Variants in GUCY2C observed in about 807,000 individuals in gnomAD.
GUCY2C encodes guanylyl cyclase C.
A neutral mutation model predicts 131.1 loss-of-function variants in GUCY2C; 118 were observed. That is an observed-to-expected ratio of 0.90 (90% CI 0.78 to 1.05). GUCY2C has a LOEUF of 1.05. Ranked by LOEUF, GUCY2C falls within the 50% of genes least tolerant of loss-of-function variation. The probability of loss-of-function intolerance (pLI) is 0.00; values close to 1 mark genes in which losing one functional copy is unlikely to be tolerated. For synonymous variants in GUCY2C, 452 were observed against 457.8 expected (o/e 0.99, Z 0.16); for missense variants, 1,161 against 1,304.4 (o/e 0.89, Z 1.69).
intron 19 of GUCY2C, among the ~76,000 whole-genome samples, chr12:14,629,727 T>C (rs1947101740): frequency 1.3e-5 from 2 of 152,198 alleles, no homozygotes; most frequent in African/African-American, 2.4e-5. Context: ...GTACTGTCCA[T>C]GGTTCTAACT....
At position 14,614,908 on chromosome 12, in the gene GUCY2C, C is replaced by G. The variant is rs1263620502; in HGVS notation, c.3006G>C (p.Gly1002=). The G allele has an allele frequency of 6.3e-7, 1 of 1,584,062 alleles. No individual in the cohort carries two copies. Among genetic ancestry groups the G allele is most frequent in the Non-Finnish European group, 8.6e-7 (1 of 1,168,358 alleles). The change falls in exon 26 of 27, where the codon GGG becomes GGC. Residue 1002 remains glycine, a synonymous_variant. Coordinates refer to ENST00000261170, the MANE Select transcript of GUCY2C (RefSeq NM_004963.4). ...GCAGGTTGAATTTCTGGTCCTTCAT[C>G]CCAGTCAGCCAGTAGGTAGTCTCAT... ...RGNETTYWLT[G]MKDQKFNLPT... is the part of the protein sequence containing the mutation.
intron 1 of GUCY2C, among the ~76,000 whole-genome samples, chr12:14,692,849 C>T (rs568764958): frequency 5.9e-5 from 9 of 151,912 alleles, no homozygotes; most frequent in South Asian, 2.1e-4. Context: ...TACTCTGTCC[C>T]GAATAAATAA....
rs1565615697 is a variant in GUCY2C at position 14,643,627 on chromosome 12, A to C, written c.1877T>G (p.Met626Arg). ...GCCAAAATCAGTGATCTTCACCACCATTCTACTGTCCACTACGCAGTTGGT... is the reference window on the plus strand; with the variant it reads ...GCCAAAATCAGTGATCTTCACCACCCTTCTACTGTCCACTACGCAGTTGGT... ...KSTNCVVDSR[M>R]VVKITDFGCN... The change falls in exon 17 of 27, where the codon ATG (methionine) becomes AGG (arginine). Residue 626 changes from methionine (M) to arginine (R), a missense_variant. Transcript: ENST00000261170. 1 of 1,613,686 alleles carries C rather than the reference A, an allele frequency of 6.2e-7. No individual in the cohort carries two copies. Among genetic ancestry groups the C allele is most frequent in the Admixed American group, 1.7e-5 (1 of 60,026 alleles).
Position 14,625,770 on chromosome 12 carries a change from T to C in GUCY2C, c.2395A>G (p.Met799Val), listed in dbSNP as rs76686493. The C allele has an allele frequency of 6.2e-7, 1 of 1,613,884 alleles. No individual in the cohort carries two copies. The highest frequency in any genetic ancestry group is 8.5e-7 in the Non-Finnish European group (1 of 1,179,888). The change falls in exon 21 of 27, where the codon ATG (methionine) becomes GTG (valine). Residue 799 changes from methionine (M) to valine (V), a missense_variant. By Grantham distance (21) the Met-to-Val change is conservative. Transcript: ENST00000261170. ...ERDRADRLNF[M>V]LLPRLVVKSL... ...GGCTTGCCTTACCTTGGAAGCAACA[T>C]AAAGTTAAGTCTGTCAGCCCTGTCC...
intron 19 of GUCY2C, among the ~76,000 whole-genome samples, chr12:14,636,939 A>G (rs1322262197): frequency 2.0e-5 from 3 of 152,022 alleles, no homozygotes; most frequent in East Asian, 1.9e-4. Flanking sequence ...AATATAAAAA[A>G]AAAATTAGCT....
chr12:14,671,752 G>A (rs1948115765), intron 9 of GUCY2C, among the ~76,000 whole-genome samples: 1 of 152,152 alleles, frequency 6.6e-6, no homozygotes, highest in Admixed American at 6.5e-5. Context: ...AAGATCATGG[G>A]CATCATCCCA....
In GUCY2C at chr12:14,619,484, G is replaced by A. The variant is rs189765090; in HGVS notation, c.2777-175C>T. The A allele has an allele frequency of 3.6e-4, 196 of 550,910 alleles. 4 individuals are homozygous for A. Among genetic ancestry groups the A allele is most frequent in the Middle Eastern group, 2.5e-3 (6 of 2,418 alleles). 34.1% of individuals were successfully genotyped at this position (550,910 alleles called of 1,614,324 possible). ...GGTTTAAATGGATGAATCCAATGAA[G>A]CATCATTATTCAATGCATGCGATCA... On this transcript the variant is annotated intron_variant, in intron 23 of 26. Transcript: ENST00000261170.
rs747104652 is a variant in GUCY2C, at chr12:14,674,757, T to C, written c.952A>G (p.Lys318Glu). The C allele has an allele frequency of 1.0e-4, 165 of 1,601,490 alleles. No individual in the cohort carries two copies. The highest frequency in any genetic ancestry group is 1.4e-4 in the Non-Finnish European group (163 of 1,174,676). ...SSFSRNLSPT[K>E]RDFALAYLNG... ...AAATAGGCAAGAGCAAAGTCTCGTT[T>C]TGTCTAAATAAAAAAGGAAAATATT... Residue 318 changes from lysine to glutamate, a missense_variant, in exon 8 of 27, where the codon AAA becomes GAA. Coordinates refer to ENST00000261170, the MANE Select transcript of GUCY2C (RefSeq NM_004963.4).
chr12:14,685,879 A>G (rs2137100878), intron 3 of GUCY2C, among the ~76,000 whole-genome samples: 2 of 152,194 alleles, frequency 1.3e-5, no homozygotes, highest in East Asian at 3.9e-4. Context: ...AAATTATCCA[A>G]TTTCACTGTC....
chr12:14,674,926 G>A (rs1948196135), intron 7 of GUCY2C, among the ~76,000 whole-genome samples, 166 bp from the exon 8 acceptor site: 1 of 151,984 alleles, frequency 6.6e-6, no homozygotes, highest in African/African-American at 2.4e-5. Context: ...CTCTTCCTTG[G>A]AGGCCGGGTG....
intron 19 of GUCY2C, among the ~76,000 whole-genome samples, chr12:14,633,300 C>G (rs2137004207): frequency 6.6e-6 from 1 of 152,304 alleles, no homozygotes; most frequent in East Asian, 1.9e-4. Context: ...AGGGAAATAA[C>G]AGACCCACTC....
chr12:14,633,386 A>G (rs1947193853), intron 19 of GUCY2C, among the ~76,000 whole-genome samples: 1 of 152,154 alleles, frequency 6.6e-6, no homozygotes, highest in South Asian at 2.1e-4. Flanking sequence ...CACCCAACCA[A>G]TACTATAGAT....
intron 24 of GUCY2C, among the ~76,000 whole-genome samples, chr12:14,618,293 G>A (rs1289172276): frequency 6.6e-6 from 1 of 152,128 alleles, no homozygotes; most frequent in Non-Finnish European, 1.5e-5. Context: ...CAGGAGACTT[G>A]CTTGAGCCCA....
intron 10 of GUCY2C, among the ~76,000 whole-genome samples, chr12:14,664,456 G>A (rs1412223959): frequency 6.6e-6 from 1 of 151,872 alleles, no homozygotes; most frequent in Non-Finnish European, 1.5e-5. Flanking sequence ...GCCTCCTACA[G>A]TATGAACATC....
At chr12:14,678,214 C>T (rs1948279982) in intron 6 of GUCY2C, among the ~76,000 whole-genome samples, 1 of 152,168 alleles carries the variant, frequency 6.6e-6, no homozygotes, top group Non-Finnish European at 1.5e-5. Context: ...ATGAAGAGGA[C>T]ATTTTAATTC....
At chr12:14,680,029 A>G (rs1324249520) in intron 5 of GUCY2C, among the ~76,000 whole-genome samples, 2 of 152,122 alleles carry the variant, frequency 1.3e-5, no homozygotes, top group Non-Finnish European at 2.9e-5. Flanking sequence ...CAAAGGGTCA[A>G]AGAACTAGTA....
chr12:14,614,863 T>C lies in GUCY2C; in HGVS notation c.3047+4A>G. The C allele has an allele frequency of 1.3e-6, 2 of 1,570,494 alleles. No individual in the cohort carries two copies. The highest frequency in any genetic ancestry group is 1.4e-5 in the African/African-American group (1 of 72,774). ...CCCTGTCCCTGCCACACCCAGAAGC[T>C]TACACAGTAGGAGGGGTTGGCAGGT... On this transcript the variant is annotated splice_donor_region_variant and intron_variant, in intron 26 of 26. Transcript: ENST00000261170.
At chr12:14,632,259 T>C (rs1947160987) in intron 19 of GUCY2C, among the ~76,000 whole-genome samples, 1 of 151,816 alleles carries the variant, frequency 6.6e-6, no homozygotes, top group South Asian at 2.1e-4. Context: ...ATTTTGGCTT[T>C]TGTTGCCGTT....
intron 15 of GUCY2C, among the ~76,000 whole-genome samples, chr12:14,645,723 T>C (rs971143840): frequency 6.6e-6 from 1 of 152,304 alleles, no homozygotes; most frequent in South Asian, 2.1e-4. Flanking sequence ...TAATCAGTTA[T>C]ATAAATTAGC....
Sources: allele counts gnomAD v4.1 joint callset (sites outside exome capture counted in the v4.1 genomes callset), GRCh38; gene constraint gnomAD v4.1.1; transcripts MANE v1.5; gene names NCBI Gene and HGNC (gene_info 2026-07-23, HGNC 2026-07-21).